The following NDUFS5 variants were observed in gnomAD, a reference collection of about 807,000 sequenced individuals.
The protein encoded by NDUFS5 is NADH dehydrogenase [ubiquinone] iron-sulfur protein 5.
Under a neutral mutation model 10.5 loss-of-function variants are expected in NDUFS5, and 7 were observed. That is an observed-to-expected ratio of 0.66 (90% CI 0.38 to 1.25). The LOEUF (loss-of-function observed/expected upper bound fraction) is 1.25. NDUFS5 is among the 50% of genes most tolerant of loss of function. The pLI, the probability that NDUFS5 is intolerant of heterozygous loss-of-function variation, is 0.02. For synonymous variants in NDUFS5, 38 were observed against 44.0 expected (o/e 0.86, Z 0.54); for missense variants, 148 against 140.7 (o/e 1.05, Z -0.26).
At position 39,034,474 on chromosome 1, in the gene NDUFS5, G is replaced by T; in HGVS notation, c.299G>T (p.Gly100Val). ...TACACCCCTCCACCTCACCACATTG[G>T]CAAGGGGGAGCCTCGGCCCTGAACA... ...GKYTPPPHHI[G>V]KGEPRP Residue 100 changes from glycine (G) to valine (V), a missense_variant, in exon 3 of 3, where the codon GGC (glycine) becomes GTC (valine). Gly to Val is a moderately radical substitution (Grantham distance 109). Transcript: ENST00000372969. 3 of 1,613,526 alleles carry T rather than the reference G, an allele frequency of 1.9e-6. No individual in the cohort carries two copies. Among genetic ancestry groups the T allele is most frequent in the Admixed American group, 1.7e-5 (1 of 59,962 alleles).
rs527981184 is a variant in NDUFS5 at position 39,030,104 on chromosome 1, A to G, written c.216+1164A>G. 3.3e-5 allele frequency among the ~76,000 whole-genome samples: 5 copies of G among 150,462 alleles called. No individual in the cohort carries two copies. The East Asian group carries it at 9.8e-4, about 30-fold the overall frequency. On this transcript the variant is annotated intron_variant, in intron 2 of 2. Transcript: ENST00000372969. ...AGACTCTGCCTCTAAAAAAAAAACCAAAAAAACAAATTTAAAAAAATCCCA... is the reference window on the plus strand; with the variant it reads ...AGACTCTGCCTCTAAAAAAAAAACCGAAAAAACAAATTTAAAAAAATCCCA...
intron 2 of NDUFS5, among the ~76,000 whole-genome samples, chr1:39,029,969 T>C (rs1470654040): frequency 6.6e-6 from 1 of 151,430 alleles, no homozygotes; most frequent in Non-Finnish European, 1.5e-5. Context: ...TGGGTGCCTA[T>C]AGTCCCAGCT....
intron 2 of NDUFS5, among the ~76,000 whole-genome samples, chr1:39,030,928 G>A (rs1336200642): frequency 2.0e-5 from 3 of 151,430 alleles, no homozygotes; most frequent in Non-Finnish European, 1.5e-5. Flanking sequence ...GCTGGAGTGC[G>A]GTAGCGTGTT....
At chr1:39,029,820 C>T (rs192706850) in intron 2 of NDUFS5, among the ~76,000 whole-genome samples, 257 of 152,246 alleles carry the variant, frequency 1.7e-3, no homozygotes, top group Middle Eastern at 3.4e-3. Context: ...TGGCCAGGCA[C>T]GGTGGCTCAC....
chr1:39,030,735 G>T (rs1016616240), intron 2 of NDUFS5, among the ~76,000 whole-genome samples: 2 of 139,898 alleles, frequency 1.4e-5, no homozygotes, highest in Non-Finnish European at 3.1e-5. Context: ...AAAAAAAAAA[G>T]AAAATAAAAA....
chr1:39,028,574 G>A (rs1644168742), intron 1 of NDUFS5, 149 bp from the exon 2 acceptor site: 4 of 758,658 alleles, frequency 5.3e-6, no homozygotes, highest in African/African-American at 1.8e-5. Flanking sequence ...TAATGAAAAA[G>A]TTTGGTGAGA....
At chr1:39,030,102 C>A (rs1457877043) in intron 2 of NDUFS5, among the ~76,000 whole-genome samples, 9 of 143,262 alleles carry the variant, frequency 6.3e-5, no homozygotes, top group African/African-American at 1.8e-4. Context: ...AAAAAAAAAA[C>A]CAAAAAAACA....
intron 2 of NDUFS5, among the ~76,000 whole-genome samples, chr1:39,030,943 G>C (rs1053083636): frequency 2.0e-5 from 3 of 151,964 alleles, no homozygotes; most frequent in Non-Finnish European, 4.4e-5. Flanking sequence ...CGTGTTCACA[G>C]CTCACTGCAG....
intron 2 of NDUFS5, among the ~76,000 whole-genome samples, chr1:39,030,465 G>A (rs1366657064): frequency 1.3e-5 from 2 of 149,948 alleles, no homozygotes; most frequent in African/African-American, 4.9e-5. Flanking sequence ...CCAGCACTTT[G>A]GGAGGCCGAG....
rs1261606258 is a variant in NDUFS5, at chr1:39,028,755, G to A, written c.31G>A (p.Gly11Ser). 7.4e-6 allele frequency: 12 copies of A among 1,613,798 alleles called. No homozygotes were observed. The East Asian group carries it at 8.9e-5, about 12-fold the overall frequency. Residue 11 changes from glycine (G) to serine (S), a missense_variant, in exon 2 of 3, where the codon GGC becomes AGC. Gly to Ser is a moderately conservative substitution (Grantham distance 56, BLOSUM62 0). Coordinates refer to ENST00000372969, the MANE Select transcript of NDUFS5 (RefSeq NM_004552.3). MPFLDIQKRF[G>S]LNIDRWLTIQ... ...TTTCTTGGACATCCAGAAAAGGTTC[G>A]GCCTTAACATAGATCGATGGTTGAC...
intron 2 of NDUFS5, 76 bp from the exon 3 acceptor site, chr1:39,034,316 A>G (rs1644213428): frequency 1.4e-6 from 2 of 1,432,546 alleles, no homozygotes; most frequent in East Asian, 4.7e-5. Flanking sequence ...TGAAACCAAA[A>G]TTGATCTGTT....
In NDUFS5 at chr1:39,034,390, A is replaced by T; in HGVS notation, c.217-2A>T. 6.2e-7 allele frequency: 1 copy of T among 1,612,804 alleles called. No homozygotes were observed. The highest frequency in any genetic ancestry group is 8.5e-7 in the Non-Finnish European group (1 of 1,179,124). On this transcript the variant is annotated splice_acceptor_variant, in intron 2 of 2. Transcript: ENST00000372969. LOFTEE classifies it high-confidence loss of function. ...AGTTTAATTACCATTTTCCTTTGAC[A>T]GATGAGACGTGCAGGTACCATCAGG...
Position 39,029,418 on chromosome 1 carries a change from G to A in NDUFS5, c.216+478G>A, listed in dbSNP as rs1570991224. ...TGGTACCATGATGAGGAAATTAAATGCCTTCAGATATGAGGATGGTCCATT... is the reference window on the plus strand; with the variant it reads ...TGGTACCATGATGAGGAAATTAAATACCTTCAGATATGAGGATGGTCCATT... On this transcript the variant is annotated intron_variant, in intron 2 of 2. Coordinates refer to ENST00000372969, the MANE Select transcript of NDUFS5 (RefSeq NM_004552.3). Among the ~76,000 whole-genome samples the A allele has an allele frequency of 2.0e-5, 3 of 152,162 alleles. No homozygotes were observed. The South Asian group carries it at 6.2e-4, about 31-fold the overall frequency.
Position 39,028,925 on chromosome 1 carries a change from G to C in NDUFS5, c.201G>C (p.Leu67Phe). The change falls in exon 2 of 3, where the codon TTG (leucine) becomes TTC (phenylalanine). Residue 67 changes from leucine (L) to phenylalanine (F), a missense_variant. Transcript: ENST00000372969. ...KIEYDDFVEC[L>F]LRQKTMRRAG... is the part of the protein sequence containing the mutation. ...AATATGATGATTTCGTAGAGTGTTT[G>C]CTTCGGCAGAAAACGGTAAGGAAAT... 6.2e-7 allele frequency: 1 copy of C among 1,613,650 alleles called. No individual in the cohort carries two copies. Among genetic ancestry groups the C allele is most frequent in the Non-Finnish European group, 8.5e-7 (1 of 1,179,826 alleles).
intron 1 of NDUFS5, among the ~76,000 whole-genome samples, chr1:39,027,313 C>G (rs1337483706): frequency 1.3e-5 from 2 of 152,130 alleles, no homozygotes; most frequent in Non-Finnish European, 2.9e-5. Context: ...CTCAGGTGAT[C>G]CGCCCGCCTC....
rs775674733 is a variant in NDUFS5 at position 39,028,890 on chromosome 1, T to C, written c.166T>C (p.Cys56Arg). 2.5e-5 allele frequency: 40 copies of C among 1,613,686 alleles called. No individual in the cohort carries two copies. Among genetic ancestry groups the C allele is most frequent in the Non-Finnish European group, 3.3e-5 (39 of 1,179,988 alleles). ...GIGYTRAEKECKIEYDDFVEC... is the reference protein window; with the variant it reads ...GIGYTRAEKERKIEYDDFVEC... ...CGGTTATACTCGGGCAGAGAAAGAG[T>C]GCAAGATAGAATATGATGATTTCGT... is the stretch of plus-strand genomic sequence containing the variant. The change falls in exon 2 of 3, where the codon TGC (cysteine) becomes CGC (arginine). Residue 56 changes from cysteine (C) to arginine (R), a missense_variant. Coordinates refer to ENST00000372969, the MANE Select transcript of NDUFS5 (RefSeq NM_004552.3).
intron 2 of NDUFS5, among the ~76,000 whole-genome samples, chr1:39,029,960 G>A (rs1644178308): frequency 6.6e-6 from 1 of 150,486 alleles, no homozygotes; most frequent in East Asian, 2.0e-4. Flanking sequence ...GCATGGTGGT[G>A]GGTGCCTATA....
chr1:39,028,583 G>A, intron 1 of NDUFS5, 140 bp from the exon 2 acceptor site: 1 of 799,158 alleles, frequency 1.3e-6, no homozygotes, highest in Non-Finnish European at 2.0e-6. Flanking sequence ...AGTTTGGTGA[G>A]AAGAAATCAG....
intron 1 of NDUFS5, among the ~76,000 whole-genome samples, chr1:39,028,420 G>A (rs1378490200): frequency 6.6e-6 from 1 of 152,020 alleles, no homozygotes; most frequent in African/African-American, 2.4e-5. Flanking sequence ...AACAGACGGA[G>A]ACTCCATCTC....
Sources: allele counts gnomAD v4.1 joint callset (sites outside exome capture counted in the v4.1 genomes callset), GRCh38; gene constraint gnomAD v4.1.1; transcripts MANE v1.5; gene names NCBI Gene and HGNC (gene_info 2026-07-23, HGNC 2026-07-21).